The following ERAP1 variants were observed in gnomAD, a reference collection of about 807,000 sequenced individuals.
ERAP1 encodes endoplasmic reticulum aminopeptidase 1.
A neutral mutation model predicts 103.7 loss-of-function variants in ERAP1; 86 were observed. That is an observed-to-expected ratio of 0.83 (90% CI 0.70 to 0.99). The LOEUF is 0.99. ERAP1 is among the 50% of genes least tolerant of loss of function. The pLI is 0.00. For synonymous variants in ERAP1, 398 were observed against 402.4 expected (o/e 0.99, Z 0.13); for missense variants, 1,009 against 1,128.4 (o/e 0.89, Z 1.52).
At chr5:96,882,491 ATCTC>A in the ERAP1 span, among the ~76,000 whole-genome samples, 2 of 152,166 alleles carry the variant, frequency 1.3e-5, no homozygotes, top group Admixed American at 6.5e-5. Context: ...AATCTTATGA[ATCTC>A]TCTCTCTTTC....
At chr5:96,844,439 GTTAT>G in the ERAP1 span, among the ~76,000 whole-genome samples, 3 of 152,034 alleles carry the variant, frequency 2.0e-5, no homozygotes, top group East Asian at 1.9e-4. Context: ...AGTTATTATT[GTTAT>G]TTATTTATTT....
At chr5:96,792,816 G>A (rs1036773024) in intron 7 of ERAP1, among the ~76,000 whole-genome samples, 6 of 152,002 alleles carry the variant, frequency 3.9e-5, no homozygotes, top group Non-Finnish European at 7.4e-5. Context: ...GATGAAAATA[G>A]GAATAAATAT....
chr5:96,889,116 G>A, the ERAP1 span: 50 of 1,584,594 alleles, frequency 3.2e-5, no homozygotes, highest in Non-Finnish European at 4.3e-5. Context: ...CTGTGTGAGA[G>A]GGTTATCAGG....
chr5:96,840,613 T>C, the ERAP1 span, among the ~76,000 whole-genome samples: 1 of 152,226 alleles, frequency 6.6e-6, no homozygotes, highest in African/African-American at 2.4e-5. Flanking sequence ...CCTGGTTATA[T>C]ATTAGAGTTA....
the ERAP1 span, chr5:96,886,770 T>C: frequency 6.6e-7 from 1 of 1,515,138 alleles, no homozygotes; most frequent in Non-Finnish European, 9.0e-7. Flanking sequence ...CTGAGTGGCT[T>C]CACTTCATCA....
At chr5:96,832,147 T>G in the ERAP1 span, among the ~76,000 whole-genome samples, 5 of 152,046 alleles carry the variant, frequency 3.3e-5, no homozygotes, top group Non-Finnish European at 7.4e-5. Flanking sequence ...ACATACCAAT[T>G]TTACAATAAT....
chr5:96,856,740 CAT>C, the ERAP1 span, among the ~76,000 whole-genome samples: 11 of 152,218 alleles, frequency 7.2e-5, no homozygotes, highest in African/African-American at 2.7e-4. Flanking sequence ...CTACTTACGG[CAT>C]AGTTGTCACT....
At chr5:96,795,333 C>A (rs1207051364) in intron 4 of ERAP1, among the ~76,000 whole-genome samples, 171 bp from the exon 5 acceptor site, 1 of 152,138 alleles carries the variant, frequency 6.6e-6, no homozygotes, top group Admixed American at 6.5e-5. Flanking sequence ...CCTGATTAAT[C>A]CCCCTTCTGA....
the ERAP1 span, among the ~76,000 whole-genome samples, chr5:96,820,951 AGAAGAAGAG>A: frequency 7.5e-5 from 6 of 79,836 alleles, no homozygotes; most frequent in Admixed American, 5.4e-4. Context: ...TACAGGAGAA[AGAAGAAGAG>A]GAAGAAGAGG....
At position 96,800,852 on chromosome 5, in the gene ERAP1, G is replaced by A. The variant is rs1326078413; in HGVS notation, c.663+10C>T. The A allele has an allele frequency of 1.9e-6, 3 of 1,613,974 alleles. No homozygotes were observed. Among genetic ancestry groups the A allele is most frequent in the Non-Finnish European group, 2.5e-6 (3 of 1,179,842 alleles). Reference sequence around the variant, plus strand: ...TTTCCTATAGAAAATACACAGGAGTGCAGACTCACCAATGGCATATTGGAG... The same window carrying A: ...TTTCCTATAGAAAATACACAGGAGTACAGACTCACCAATGGCATATTGGAG... On this transcript the variant is annotated intron_variant, in intron 3 of 18. Coordinates refer to ENST00000443439, the MANE Select transcript of ERAP1 (RefSeq NM_001040458.3).
chr5:96,881,095 G>C, the ERAP1 span: 1 of 246,344 alleles, frequency 4.1e-6, no homozygotes, highest in Non-Finnish European at 8.2e-6. Flanking sequence ...GCGAACAAGA[G>C]GGAGAAAGGG....
chr5:96,889,428 A>C, the ERAP1 span: 1 of 1,110,220 alleles, frequency 9.0e-7, no homozygotes, highest in Non-Finnish European at 1.4e-6. Flanking sequence ...CTCAGGAAAA[A>C]ATAATTTGTT....
the ERAP1 span, among the ~76,000 whole-genome samples, chr5:96,856,828 C>G: frequency 6.6e-6 from 1 of 152,184 alleles, no homozygotes; most frequent in African/African-American, 2.4e-5. Flanking sequence ...ATCCAAATAT[C>G]AATATTTTAC....
the ERAP1 span, among the ~76,000 whole-genome samples, chr5:96,821,660 G>A: frequency 6.6e-6 from 1 of 152,182 alleles, no homozygotes; most frequent in Non-Finnish European, 1.5e-5. Context: ...GAAATATGTA[G>A]TCAAAGAAAG....
chr5:96,926,973 T>A, the ERAP1 span, among the ~76,000 whole-genome samples: 1 of 152,276 alleles, frequency 6.6e-6, no homozygotes, highest in Admixed American at 6.5e-5. Context: ...TGCATCACCA[T>A]GCCTGGCTAA....
At chr5:96,865,228 T>C in the ERAP1 span, among the ~76,000 whole-genome samples, 1 of 152,188 alleles carries the variant, frequency 6.6e-6, no homozygotes, top group Non-Finnish European at 1.5e-5. Flanking sequence ...AATGTTTTTA[T>C]AGACACAGAA....
chr5:96,908,926 A>G, the ERAP1 span: 23 of 1,589,918 alleles, frequency 1.4e-5, no homozygotes, highest in Admixed American at 4.1e-4. Flanking sequence ...ACTATAAGAT[A>G]TGCACAAACC....
intron 11 of ERAP1, 41 bp from the exon 12 acceptor site, chr5:96,786,590 AT>A: frequency 9.2e-6 from 12 of 1,310,248 alleles, no homozygotes; most frequent in South Asian, 1.2e-5. Context: ...TGTTGATTCA[AT>A]TCAACAAGCA....
chr5:96,849,208 A>G, the ERAP1 span, among the ~76,000 whole-genome samples: 2 of 152,218 alleles, frequency 1.3e-5, no homozygotes, highest in East Asian at 3.8e-4. Context: ...AAGATAAGGA[A>G]CAAGACAAGA....
Sources: allele counts gnomAD v4.1 joint callset (sites outside exome capture counted in the v4.1 genomes callset), GRCh38; gene constraint gnomAD v4.1.1; transcripts MANE v1.5; gene names NCBI Gene and HGNC (gene_info 2026-07-23, HGNC 2026-07-21).